ARF1: variants seen among roughly 807,000 people sequenced by gnomAD.
The protein encoded by ARF1 is ARF GTPase 1.
Under a neutral mutation model 18.0 loss-of-function variants are expected in ARF1, and 1 was observed. The observed-to-expected ratio is 0.06, with a 90% confidence interval of 0.02 to 0.26. The LOEUF is 0.26. Among genes scored for constraint, ARF1 ranks in the 10% least tolerant of loss-of-function variants. The probability of loss-of-function intolerance (pLI) is 1.00; values close to 1 mark genes in which losing one functional copy is unlikely to be tolerated. For missense variants in ARF1, 73 were observed against 247.2 expected (o/e 0.30, Z 4.73); for synonymous variants, 112 against 96.3 (o/e 1.16, Z -0.95).
chr1:228,094,213 A>G (rs924468272), intron 1 of ARF1, among the ~76,000 whole-genome samples: 4 of 152,116 alleles, frequency 2.6e-5, no homozygotes, highest in Admixed American at 2.6e-4. Context: ...TGGTCGTGGC[A>G]GTCTGGTGCT....
chr1:228,087,820 A>T (rs2032452778), intron 1 of ARF1, among the ~76,000 whole-genome samples: 1 of 152,202 alleles, frequency 6.6e-6, no homozygotes, highest in Non-Finnish European at 1.5e-5. Flanking sequence ...TGGTCAAAAG[A>T]ATGTTCAGAC....
At chr1:228,093,544 TC>T (rs752920823) in intron 1 of ARF1, among the ~76,000 whole-genome samples, 11 of 151,836 alleles carry the variant, frequency 7.2e-5, no homozygotes, top group Non-Finnish European at 1.5e-4. Context: ...ACCTGAGACT[TC>T]AGGTTCACCC....
rs567491415 is a variant in ARF1 at position 228,098,326 on chromosome 1, A to G, written c.*313A>G. The G allele has an allele frequency of 3.1e-5, 7 of 226,632 alleles. No individual in the cohort carries two copies. In the South Asian group the frequency reaches 8.0e-4, roughly 26 times the overall value. 14.0% of individuals were successfully genotyped at this position (226,632 alleles called of 1,614,324 possible). On this transcript the variant is annotated 3_prime_UTR_variant, in exon 5 of 5. Coordinates refer to ENST00000272102, the MANE Select transcript of ARF1 (RefSeq NM_001658.4). ...GGCCCATGGGCACCTGGCCTCCAGG[A>G]GTCGCTGTGTTGGGAGAGCCGGCCA...
chr1:228,095,093 T>C (rs2032699251), intron 1 of ARF1, among the ~76,000 whole-genome samples: 1 of 152,246 alleles, frequency 6.6e-6, no homozygotes, highest in African/African-American at 2.4e-5. Context: ...TGTTCTGCCT[T>C]CTGAGCACCT....
chr1:228,088,492 G>A (rs769097620), intron 1 of ARF1, among the ~76,000 whole-genome samples: 17 of 149,040 alleles, frequency 1.1e-4, no homozygotes, highest in African/African-American at 2.9e-4. Flanking sequence ...AGGGGAGGTC[G>A]TCTGATGTCC....
chr1:228,090,675 G>A (rs2032550917), intron 1 of ARF1: 1 of 152,298 alleles, frequency 6.6e-6, no homozygotes, highest in African/African-American at 2.4e-5. Context: ...GTAGGCCCCA[G>A]GCTCTGCTGC....
intron 1 of ARF1, among the ~76,000 whole-genome samples, 171 bp from the exon 2 acceptor site, chr1:228,096,907 G>GC (rs1476431143): frequency 6.6e-6 from 1 of 152,176 alleles, no homozygotes; most frequent in Non-Finnish European, 1.5e-5. Flanking sequence ...TTTTCCCTCA[G>GC]CCCCCATCCT....
chr1:228,095,958 A>G (rs2032732697), intron 1 of ARF1, among the ~76,000 whole-genome samples: 1 of 152,246 alleles, frequency 6.6e-6, no homozygotes, highest in African/African-American at 2.4e-5. Context: ...AACCAAGAGC[A>G]AAGTGTCCAA....
chr1:228,098,016 G>C lies in ARF1; in HGVS notation c.*3G>C, dbSNP rs777310017. 3 of 1,608,944 alleles carry C rather than the reference G, an allele frequency of 1.9e-6. No individual in the cohort carries two copies. Among genetic ancestry groups the C allele is most frequent in the Non-Finnish European group, 2.6e-6 (3 of 1,176,340 alleles). ...ATCAGCTCCGGAACCAGAAGTGAAC[G>C]CGACCCCCCTCCCTCTCACTCCTCT... On this transcript the variant is annotated 3_prime_UTR_variant, in exon 5 of 5. Transcript: ENST00000272102.
In ARF1 at chr1:228,097,358, C is replaced by T. The variant is rs552986915; in HGVS notation, c.165C>T (p.Thr55=). 3.2e-5 allele frequency: 52 copies of T among 1,614,120 alleles called. No homozygotes were observed. The highest frequency in any genetic ancestry group is 1.6e-4 in the Middle Eastern group (1 of 6,062). ...TIPTIGFNVE[T]VEYKNISFTV... is the part of the protein sequence containing the mutation. ...CGCACCCAGGCTTCAACGTGGAAAC[C>T]GTGGAGTACAAGAACATCAGCTTCA... The change falls in exon 3 of 5, where the codon ACC becomes ACT. Residue 55 remains threonine (T), a synonymous_variant. Coordinates refer to ENST00000272102, the MANE Select transcript of ARF1 (RefSeq NM_001658.4). This position sits in a 1 kb window ranked among gnomAD's most constrained non-coding sequence, Gnocchi z 8.1.
chr1:228,097,704 G>A lies in ARF1; in HGVS notation c.373G>A (p.Ala125Thr), dbSNP rs1382592951. 2.5e-6 allele frequency: 4 copies of A among 1,609,224 alleles called. No individual in the cohort carries two copies. Among genetic ancestry groups the A allele is most frequent in the East Asian group, 2.2e-5 (1 of 44,804 alleles). The change falls in exon 4 of 5, where the codon GCC becomes ACC. Residue 125 changes from alanine (A) to threonine (T), a missense_variant. Around this residue, in one of 3 missense-constraint regions of ARF1, gnomAD observed 48 missense variants for 144.7 expected, o/e 0.33. Coordinates refer to ENST00000272102, the MANE Select transcript of ARF1 (RefSeq NM_001658.4). The surrounding 1 kb of genome is among the most constrained non-coding windows in gnomAD (Gnocchi z 8.1). ...ELRDAVLLVF[A>T]NKQDLPNAMN... is the part of the protein sequence containing the mutation. ...CCGGGATGCTGTCCTCCTGGTGTTCGCCAACAAGCAGGTAGGCGCCCGGGC... is the reference window on the plus strand; with the variant it reads ...CCGGGATGCTGTCCTCCTGGTGTTCACCAACAAGCAGGTAGGCGCCCGGGC...
chr1:228,087,767 CA>C (rs2124844897), intron 1 of ARF1, among the ~76,000 whole-genome samples: 1 of 152,322 alleles, frequency 6.6e-6, no homozygotes, highest in African/African-American at 2.4e-5. Flanking sequence ...CTTTTGCCTT[CA>C]GTAGTTAACA....
In ARF1 at chr1:228,098,968, C is replaced by T. The variant is rs1021584669; in HGVS notation, c.*955C>T. 4 of 152,600 alleles carry T rather than the reference C, an allele frequency of 2.6e-5. No homozygotes were observed. Among genetic ancestry groups the T allele is most frequent in the Non-Finnish European group, 5.9e-5 (4 of 68,044 alleles). 9.5% of individuals were successfully genotyped at this position (152,600 alleles called of 1,614,324 possible). A position where few individuals can be genotyped will look rare whatever the true frequency, so the allele number is the denominator to read the frequency against. Reference sequence around the variant, plus strand: ...TTTCTCTCCCTCAGCCTGCAAGGGTCCGATTTGCCATCGAAAAAGACAACC... The same window carrying T: ...TTTCTCTCCCTCAGCCTGCAAGGGTTCGATTTGCCATCGAAAAAGACAACC... On this transcript the variant is annotated 3_prime_UTR_variant, in exon 5 of 5. Coordinates refer to ENST00000272102, the MANE Select transcript of ARF1 (RefSeq NM_001658.4).
At chr1:228,083,774 C>G (rs1192263734) in intron 1 of ARF1, among the ~76,000 whole-genome samples, 7 of 152,244 alleles carry the variant, frequency 4.6e-5, no homozygotes, top group Non-Finnish European at 8.8e-5. Flanking sequence ...CCGTGCGCAC[C>G]TAGAGTGTTA....
chr1:228,086,347 C>T lies in ARF1; in HGVS notation c.-38+3582C>T, dbSNP rs117832221. 3.6e-3 allele frequency among the ~76,000 whole-genome samples: 551 copies of T among 151,994 alleles called. 11 individuals are homozygous for T. The highest frequency in any genetic ancestry group is 0.03 in the East Asian group (155 of 5,174). ...TGGCGAACATGGTGATACCCCGACTCTACTAAAAATACAAAAAAATAGGCC... is the reference window on the plus strand; with the variant it reads ...TGGCGAACATGGTGATACCCCGACTTTACTAAAAATACAAAAAAATAGGCC... On this transcript the variant is annotated intron_variant, in intron 1 of 4. Transcript: ENST00000272102.
intron 1 of ARF1, among the ~76,000 whole-genome samples, chr1:228,086,514 T>G (rs917865408): frequency 1.4e-5 from 2 of 140,184 alleles, no homozygotes; most frequent in African/African-American, 5.4e-5. Flanking sequence ...AGACTTTGTC[T>G]CAAAAAAAAA....
At chr1:228,088,625 C>T (rs962141725) in intron 1 of ARF1, among the ~76,000 whole-genome samples, 8 of 152,182 alleles carry the variant, frequency 5.3e-5, no homozygotes, top group Non-Finnish European at 1.0e-4. Flanking sequence ...TTCAGAATCA[C>T]AGCAAGAATT....
intron 1 of ARF1, chr1:228,088,184 G>C (rs1396847912): frequency 1.3e-5 from 2 of 152,458 alleles, no homozygotes; most frequent in African/African-American, 2.4e-5. Context: ...GAGATACCAG[G>C]ACCATCCGGA....
At chr1:228,094,366 T>C (rs2032668825) in intron 1 of ARF1, among the ~76,000 whole-genome samples, 2 of 152,122 alleles carry the variant, frequency 1.3e-5, no homozygotes, top group South Asian at 2.1e-4. Context: ...TCCAACCCCC[T>C]AGTAATAACA....
Sources: allele counts gnomAD v4.1 joint callset (sites outside exome capture counted in the v4.1 genomes callset), GRCh38; gene constraint gnomAD v4.1.1; regional missense constraint gnomAD v4.1.1; non-coding constraint Gnocchi (gnomAD v3.1); transcripts MANE v1.5; gene names NCBI Gene and HGNC (gene_info 2026-07-23, HGNC 2026-07-21).